RIPK1: variants seen among roughly 807,000 people sequenced by gnomAD.
RIPK1 encodes the protein receptor interacting serine/threonine kinase 1.
Under a neutral mutation model 62.4 loss-of-function variants are expected in RIPK1, and 27 were observed. The observed-to-expected ratio is 0.43, with a 90% CI of 0.32 to 0.60. The LOEUF (loss-of-function observed/expected upper bound fraction) is 0.60. Ranked by LOEUF, RIPK1 falls within the 20% of genes least tolerant of loss-of-function variation. RIPK1 has a pLI of 0.07. For missense variants in RIPK1, 735 were observed against 831.0 expected (o/e 0.88, Z 1.42); for synonymous variants, 287 against 303.2 (o/e 0.95, Z 0.55).
intron 6 of RIPK1, among the ~76,000 whole-genome samples, chr6:3,088,234 C>T (rs1321873338): frequency 6.6e-6 from 1 of 152,198 alleles, no homozygotes; most frequent in Non-Finnish European, 1.5e-5. Flanking sequence ...GGTAGAAGTT[C>T]AGCCTCTCGA....
chr6:3,076,164 C>T (rs1285966231), intron 1 of RIPK1, among the ~76,000 whole-genome samples: 1 of 152,034 alleles, frequency 6.6e-6, no homozygotes, highest in African/African-American at 2.4e-5. Context: ...ATTATGTTGT[C>T]CAACATACTT....
chr6:3,094,708 C>T (rs1455796608), intron 7 of RIPK1, among the ~76,000 whole-genome samples: 1 of 151,748 alleles, frequency 6.6e-6, no homozygotes, highest in African/African-American at 2.4e-5. Flanking sequence ...ATTAATGCCG[C>T]AGAAAGTAAC....
At chr6:3,111,722 C>T (rs12209182) in intron 10 of RIPK1, among the ~76,000 whole-genome samples, 65,129 of 152,138 alleles carry the variant, frequency 0.43, 16,682 homozygotes, top group Non-Finnish European at 0.59. Flanking sequence ...TTGGCCAACC[C>T]CTGGTCTAAC....
chr6:3,095,589 C>T (rs955200960), intron 7 of RIPK1, among the ~76,000 whole-genome samples: 22 of 152,092 alleles, frequency 1.4e-4, no homozygotes, highest in South Asian at 1.2e-3. Context: ...AAAGAACAAA[C>T]GCAAAATTCG....
chr6:3,068,678 C>A lies in RIPK1; in HGVS notation c.-61+17C>A, dbSNP rs1162195154. On this transcript the variant is annotated intron_variant, in intron 1 of 10. Coordinates refer to ENST00000259808, the MANE Select transcript of RIPK1 (RefSeq NM_001354930.2). The stretch of plus-strand genomic sequence containing the variant: ...AAGGGCGCGGTGAGCGGACTGGCAC[C>A]GCGCGGGGAACATTCCGGAGGCCGC... 2 of 985,030 alleles carry A rather than the reference C, an allele frequency of 2.0e-6. No individual in the cohort carries two copies. Among genetic ancestry groups the A allele is most frequent in the East Asian group, 1.1e-4 (1 of 8,786 alleles). 61.0% of individuals were successfully genotyped at this position (985,030 alleles called of 1,614,324 possible).
At chr6:3,087,104 A>T (rs1489287136) in intron 6 of RIPK1, among the ~76,000 whole-genome samples, 3 of 151,822 alleles carry the variant, frequency 2.0e-5, no homozygotes, top group South Asian at 2.1e-4. Flanking sequence ...TCATTCTAAA[A>T]TTTTTTTCCT....
chr6:3,089,510 A>G, intron 6 of RIPK1, 71 bp from the exon 7 acceptor site: 1 of 793,488 alleles, frequency 1.3e-6, no homozygotes, highest in Non-Finnish European at 2.1e-6. Context: ...TTCAAAGATA[A>G]TAGATGGCTA....
chr6:3,101,552 G>A (rs1401417525), intron 7 of RIPK1, among the ~76,000 whole-genome samples: 1 of 152,048 alleles, frequency 6.6e-6, no homozygotes, highest in Non-Finnish European at 1.5e-5. Flanking sequence ...GATCATGCAT[G>A]TATTCATTTA....
chr6:3,081,855 T>A (rs1449152945), intron 4 of RIPK1, among the ~76,000 whole-genome samples: 3 of 82,410 alleles, frequency 3.6e-5, no homozygotes, highest in African/African-American at 1.5e-4. Flanking sequence ...AGCGAAACTC[T>A]GCCTTAAAAA....
chr6:3,105,530 G>A lies in RIPK1; in HGVS notation c.1055G>A (p.Gly352Asp), dbSNP rs766876173. Residue 352 changes from glycine to aspartate, a missense_variant, in exon 9 of 11, where the codon GGT (glycine) becomes GAT (aspartate). Coordinates refer to ENST00000259808, the MANE Select transcript of RIPK1 (RefSeq NM_001354930.2). The surrounding 1 kb of genome is among the most constrained non-coding windows in gnomAD (Gnocchi z 4.5). Reference protein sequence around the residue: ...SLHSSQGLGMGPVEESWFAPS... With the variant: ...SLHSSQGLGMDPVEESWFAPS... ...CACAGTTCCCAGGGACTTGGGATGG[G>A]TCCTGTGGAGGAGTCCTGGTTTGCT... is the stretch of plus-strand genomic sequence containing the variant. The A allele has an allele frequency of 3.1e-6, 5 of 1,598,538 alleles. No individual in the cohort carries two copies. The highest frequency in any genetic ancestry group is 4.3e-6 in the Non-Finnish European group (5 of 1,173,098).
chr6:3,073,065 C>CTT (rs1758823183), intron 1 of RIPK1, among the ~76,000 whole-genome samples: 1 of 152,028 alleles, frequency 6.6e-6, no homozygotes, highest in Non-Finnish European at 1.5e-5. Context: ...TAGCTAGAGA[C>CTT]ATAAAGCAGG....
intron 10 of RIPK1, 107 bp from the exon 11 acceptor site, chr6:3,112,946 C>T (rs1339114921): frequency 1.1e-6 from 1 of 897,706 alleles, no homozygotes; most frequent in South Asian, 2.3e-5. Flanking sequence ...ATCTTTTTCA[C>T]TGTCTTCTGG....
At chr6:3,076,177 G>T (rs1168260859) in intron 1 of RIPK1, among the ~76,000 whole-genome samples, 1 of 152,054 alleles carries the variant, frequency 6.6e-6, no homozygotes, top group African/African-American at 2.4e-5. Flanking sequence ...ACATACTTGT[G>T]TCCTTTATAG....
intron 9 of RIPK1, among the ~76,000 whole-genome samples, chr6:3,108,538 G>A (rs1384679362): frequency 6.6e-6 from 1 of 152,202 alleles, no homozygotes; most frequent in Non-Finnish European, 1.5e-5. Context: ...CGAACACGGT[G>A]TCAGTGTAAG....
chr6:3,107,518 T>C (rs956275791), intron 9 of RIPK1, among the ~76,000 whole-genome samples: 3 of 144,026 alleles, frequency 2.1e-5, no homozygotes, highest in Non-Finnish European at 3.0e-5. Context: ...TAAGCCGAGA[T>C]TGCACCACTG....
intron 10 of RIPK1, among the ~76,000 whole-genome samples, 160 bp downstream of exon 10, chr6:3,111,115 T>C (rs1761136137): frequency 6.6e-6 from 1 of 152,258 alleles, no homozygotes. Flanking sequence ...AATTCCTTTG[T>C]CATTTATTTA....
chr6:3,064,578 AGAGCCTGCG>A (rs1185155735), upstream of RIPK1, among the ~76,000 whole-genome samples: 1 of 152,176 alleles, frequency 6.6e-6, no homozygotes. Flanking sequence ...GCTCGCCTGC[AGAGCCTGCG>A]GTCTGTGGGA....
At chr6:3,078,522 T>A (rs1759213408) in intron 3 of RIPK1, among the ~76,000 whole-genome samples, 2 of 152,206 alleles carry the variant, frequency 1.3e-5, no homozygotes, top group South Asian at 4.1e-4. Flanking sequence ...AATCTACAGT[T>A]CAGAGACAAG....
chr6:3,067,051 A>ATTTTTTTTTTTTTTT (rs36132424), upstream of RIPK1, among the ~76,000 whole-genome samples: 19 of 59,050 alleles, frequency 3.2e-4, no homozygotes, highest in African/African-American at 5.5e-4. Flanking sequence ...TTGCTCCAGG[A>ATTTTTTTTTTTTTTT]TTTTTTTTTT....
Sources: allele counts gnomAD v4.1 joint callset (sites outside exome capture counted in the v4.1 genomes callset), GRCh38; gene constraint gnomAD v4.1.1; non-coding constraint Gnocchi (gnomAD v3.1); transcripts MANE v1.5; gene names NCBI Gene and HGNC (gene_info 2026-07-23, HGNC 2026-07-21).